C7: variants seen among roughly 807,000 people sequenced by gnomAD.
C7 encodes complement component C7.
A neutral mutation model predicts 104.8 loss-of-function variants in C7; 83 were observed. The ratio of observed to expected loss-of-function variants is 0.79; its 90% CI spans 0.66 to 0.95. C7 has a LOEUF of 0.95. C7 is among the 40% of genes least tolerant of loss of function. The pLI is 0.00. For missense variants in C7, 1,070 were observed against 1,011.2 expected (o/e 1.06, Z -0.79); for synonymous variants, 415 against 360.6 (o/e 1.15, Z -1.71).
intron 14 of C7, 64 bp from the exon 15 acceptor site, chr5:40,972,339 A>G: frequency 7.3e-7 from 1 of 1,366,638 alleles, no homozygotes; most frequent in Non-Finnish European, 1.0e-6. Flanking sequence ...ATCACATAAG[A>G]CTTTTTTAAA....
chr5:40,941,039 A>G (rs1739924521), intron 6 of C7, among the ~76,000 whole-genome samples: 1 of 151,618 alleles, frequency 6.6e-6, no homozygotes, highest in Admixed American at 6.6e-5. Context: ...AAATGAAAAA[A>G]CAAGAGTGCA....
intron 10 of C7, among the ~76,000 whole-genome samples, chr5:40,956,956 T>A (rs1254409448): frequency 6.6e-6 from 1 of 152,230 alleles, no homozygotes. Flanking sequence ...CTCCATGTAC[T>A]TTTCCACATA....
intron 14 of C7, 72 bp from the exon 15 acceptor site, chr5:40,972,331 C>T (rs1740715495): frequency 1.6e-6 from 2 of 1,257,238 alleles, no homozygotes; most frequent in East Asian, 2.4e-5. Flanking sequence ...GTGTCTGCAT[C>T]ACATAAGACT....
At chr5:40,964,449 TC>T in intron 13 of C7, 1 of 206,080 alleles carries the variant, frequency 4.9e-6, no homozygotes, top group Non-Finnish European at 9.6e-6. Context: ...TTGGACAGTG[TC>T]CAAATAATTT....
At chr5:40,957,617 T>A (rs2597736) in intron 10 of C7, among the ~76,000 whole-genome samples, 1 of 151,748 alleles carries the variant, frequency 6.6e-6, no homozygotes, top group Admixed American at 6.6e-5. Context: ...CACCACACCC[T>A]GCTAATTTTG....
rs397961480 is a variant in C7 at position 40,953,639 on chromosome 5, CA to C, written c.1094-1730del. ...CTAGCAACAGAGCAAGACTCTGTCT[CA>C]AAAAAAAAAAAAAAAAAGGAATAAA... On this transcript the variant is annotated intron_variant, in intron 9 of 17. Coordinates refer to ENST00000313164, the MANE Select transcript of C7 (RefSeq NM_000587.4). Among the ~76,000 whole-genome samples, 870 of 104,110 alleles carry C rather than the reference CA, an allele frequency of 8.4e-3. 3 individuals are homozygous for C. Among genetic ancestry groups the C allele is most frequent in the African/African-American group, 0.018 (483 of 27,358 alleles). 68.3% of individuals were successfully genotyped at this position (104,110 alleles called of 152,430 possible). A position where few individuals can be genotyped will look rare whatever the true frequency, so the allele number is the denominator to read the frequency against.
intron 1 of C7, among the ~76,000 whole-genome samples, chr5:40,915,638 T>A (rs1739302375): frequency 6.6e-6 from 1 of 152,104 alleles, no homozygotes; most frequent in Admixed American, 6.6e-5. Context: ...ACTTATACGA[T>A]CCACATGTTT....
chr5:40,931,124 C>A lies in C7; in HGVS notation c.123C>A (p.Gly41=). Residue 41 remains glycine (G), a synonymous_variant, in exon 3 of 18, where the codon GGC becomes GGA. Coordinates refer to ENST00000313164, the MANE Select transcript of C7 (RefSeq NM_000587.4). ...ATGCCCCTTGGTCAGAATGCAATGG[C>A]TGTACCAAGACTCAGGTAGGACCAT... The part of the protein sequence containing the change: ...DFYAPWSECN[G]CTKTQTRRRS... The A allele has an allele frequency of 6.2e-7, 1 of 1,612,890 alleles. No homozygotes were observed. Among genetic ancestry groups the A allele is most frequent in the Non-Finnish European group, 8.5e-7 (1 of 1,178,932 alleles).
At chr5:40,973,079 C>T (rs1479559679) in intron 15 of C7, among the ~76,000 whole-genome samples, 1 of 151,950 alleles carries the variant, frequency 6.6e-6, no homozygotes, top group African/African-American at 2.4e-5. Context: ...TTAAAGCAGA[C>T]ATTATTGAAG....
rs1203818311 is a variant in C7 at position 40,947,770 on chromosome 5, T to A, written c.907T>A (p.Tyr303Asn). 2 of 1,613,636 alleles carry A rather than the reference T, an allele frequency of 1.2e-6. No homozygotes were observed. Among genetic ancestry groups the A allele is most frequent in the Admixed American group, 3.3e-5 (2 of 60,000 alleles). The change falls in exon 8 of 18, where the codon TAT (tyrosine) becomes AAT (asparagine). Residue 303 changes from tyrosine to asparagine, a missense_variant. Tyr to Asn is a moderately radical substitution (Grantham distance 143). Coordinates refer to ENST00000313164, the MANE Select transcript of C7 (RefSeq NM_000587.4). ...ATTAATCGACCAGTACGGGACACAT[T>A]ATCTGCAATCTGGGTCGTTAGGAGG... ...RRLIDQYGTH[Y>N]LQSGSLGGEY...
chr5:40,979,596 CTT>C (rs35148902), intron 16 of C7, 127 bp from the exon 17 acceptor site: 48,551 of 497,184 alleles, frequency 0.098, no homozygotes, highest in East Asian at 0.12. Context: ...GAGTTTCCAC[CTT>C]TTTTTTTTTT....
intron 1 of C7, among the ~76,000 whole-genome samples, chr5:40,926,218 T>C (rs1362472801): frequency 6.6e-6 from 1 of 152,154 alleles, no homozygotes; most frequent in Non-Finnish European, 1.5e-5. Context: ...CATTTCAAGA[T>C]AAAGACTCTC....
At position 40,945,266 on chromosome 5, in the gene C7, G is replaced by A. The variant is rs367887415; in HGVS notation, c.636G>A (p.Ser212=). 31 of 1,587,542 alleles carry A rather than the reference G, an allele frequency of 2.0e-5. No homozygotes were observed. The highest frequency in any genetic ancestry group is 1.9e-4 in the African/African-American group (14 of 73,996). Residue 212 remains serine, a synonymous_variant, in exon 7 of 18, where the codon TCG becomes TCA. Transcript: ENST00000313164. ...NSTWSYVKHT[S]TEHTSSSRKR... ...CTTGGTCTTATGTAAAACATACGTC[G>A]ACAGAACACACATCATCTAGTCGGA...
intron 1 of C7, among the ~76,000 whole-genome samples, chr5:40,916,785 G>T (rs1171777899): frequency 1.3e-5 from 2 of 151,424 alleles, no homozygotes; most frequent in Non-Finnish European, 2.9e-5. Context: ...TCTATTTATT[G>T]TGCACAACAT....
chr5:40,968,381 C>T (rs992245261), intron 14 of C7, among the ~76,000 whole-genome samples: 9 of 151,716 alleles, frequency 5.9e-5, no homozygotes, highest in Admixed American at 2.6e-4. Context: ...CTGTCTGGGC[C>T]TCCCAAAGTG....
At chr5:40,938,465 T>A (rs569102317) in intron 6 of C7, among the ~76,000 whole-genome samples, 1 of 152,220 alleles carries the variant, frequency 6.6e-6, no homozygotes, top group East Asian at 1.9e-4. Flanking sequence ...TTTTTTCTTA[T>A]GAAAATGCCT....
At chr5:40,976,664 A>T in intron 15 of C7, 86 bp from the exon 16 acceptor site, 1 of 831,648 alleles carries the variant, frequency 1.2e-6, no homozygotes, top group East Asian at 2.7e-5. Flanking sequence ...AATACTACAG[A>T]CCCTGGTCCA....
At chr5:40,974,365 C>A (rs1740767203) in intron 15 of C7, among the ~76,000 whole-genome samples, 2 of 148,638 alleles carry the variant, frequency 1.3e-5, no homozygotes, top group Admixed American at 1.3e-4. Flanking sequence ...TGCAAAAATT[C>A]TTTGGGCTAG....
At chr5:40,916,381 A>G (rs1739317039) in intron 1 of C7, among the ~76,000 whole-genome samples, 1 of 152,222 alleles carries the variant, frequency 6.6e-6, no homozygotes, top group Non-Finnish European at 1.5e-5. Flanking sequence ...GAATAAGATG[A>G]GAGTCACTGC....
Sources: allele counts gnomAD v4.1 joint callset (sites outside exome capture counted in the v4.1 genomes callset), GRCh38; gene constraint gnomAD v4.1.1; transcripts MANE v1.5; gene names NCBI Gene and HGNC (gene_info 2026-07-23, HGNC 2026-07-21).